Variants in LRMDA observed in about 807,000 individuals in gnomAD.
LRMDA encodes the protein leucine-rich melanocyte differentiation-associated protein.
Under a neutral mutation model 29.8 loss-of-function variants are expected in LRMDA, and 18 were observed. That is an observed-to-expected ratio of 0.60 (90% CI 0.42 to 0.90). LRMDA has a LOEUF of 0.90. Among genes scored for constraint, LRMDA ranks in the 40% least tolerant of loss-of-function variants. LRMDA has a pLI of 0.00. For synonymous variants in LRMDA, 125 were observed against 109.4 expected, an observed-to-expected ratio of 1.14 and a Z score of -0.89; for missense variants, 273 against 273.9, an observed-to-expected ratio of 1.00 and a Z score of 0.02.
At chr10:75,672,518 TTCTTTTCCTCC>T (rs1273618991) in intron 2 of LRMDA, among the ~76,000 whole-genome samples, 418 of 37,610 alleles carry the variant, frequency 0.011, 72 homozygotes, top group East Asian at 0.054. Context: ...TATTTTTCTT[TTCTTTTCCTCC>T]CCTCCCCTCC....
chr10:75,692,611 G>A (rs541316708), intron 2 of LRMDA, among the ~76,000 whole-genome samples: 2 of 148,072 alleles, frequency 1.4e-5, no homozygotes, highest in East Asian at 4.1e-4. Flanking sequence ...GTGTGTATGT[G>A]TATGTAGGCA....
chr10:75,849,028 C>T (rs1251778995), intron 2 of LRMDA, among the ~76,000 whole-genome samples: 1 of 152,132 alleles, frequency 6.6e-6, no homozygotes, highest in Non-Finnish European at 1.5e-5. Context: ...GTATCTGTCC[C>T]TGTCTTCTCT....
At chr10:75,877,051 A>G (rs1421925552) in intron 2 of LRMDA, among the ~76,000 whole-genome samples, 5 of 152,194 alleles carry the variant, frequency 3.3e-5, no homozygotes, top group Non-Finnish European at 1.5e-5. Flanking sequence ...TGTTGTCTGT[A>G]TATGGCTCAG....
intron 5 of LRMDA, among the ~76,000 whole-genome samples, chr10:76,211,804 G>A (rs779543945): frequency 6.6e-6 from 1 of 152,222 alleles, no homozygotes; most frequent in Non-Finnish European, 1.5e-5. Context: ...CTCTGTGACT[G>A]TACCTTTTGC....
rs1251042216 is a variant in LRMDA, at chr10:75,515,882, G to GTGA, written c.131+77390_131+77391insATG. The stretch of plus-strand genomic sequence containing the variant: ...CCCACCTCCTGACAGGCCCTAGTGT[G>GTGA]TGTGATGTTCCTCGCCCTGTGTCCA... On this transcript the variant is annotated intron_variant, in intron 2 of 6. Coordinates refer to ENST00000611255, the MANE Select transcript of LRMDA (RefSeq NM_001305581.2). Among the ~76,000 whole-genome samples, 6 of 152,094 alleles carry GTGA rather than the reference G, an allele frequency of 3.9e-5. No homozygotes were observed. In the East Asian group the frequency reaches 9.7e-4, roughly 25 times the overall value.
At chr10:75,873,711 GTGT>G (rs1434719517) in intron 2 of LRMDA, among the ~76,000 whole-genome samples, 6 of 152,086 alleles carry the variant, frequency 3.9e-5, no homozygotes, top group Admixed American at 2.0e-4. Context: ...ATTATTTAGT[GTGT>G]TGATCATACT....
At chr10:75,906,796 G>A (rs1845766303) in intron 2 of LRMDA, among the ~76,000 whole-genome samples, 1 of 152,232 alleles carries the variant, frequency 6.6e-6, no homozygotes, top group Non-Finnish European at 1.5e-5. Flanking sequence ...TTCTAATGTG[G>A]TGCCTCTTTG....
chr10:75,458,761 A>C (rs1218661601), intron 2 of LRMDA, among the ~76,000 whole-genome samples: 2 of 152,182 alleles, frequency 1.3e-5, no homozygotes, highest in African/African-American at 2.4e-5. Context: ...GCTTTCCGTC[A>C]GGTAGCAGGA....
At chr10:76,172,875 T>A (rs1850863308) in intron 5 of LRMDA, among the ~76,000 whole-genome samples, 1 of 152,184 alleles carries the variant, frequency 6.6e-6, no homozygotes, top group South Asian at 2.1e-4. Context: ...TAAATGAATA[T>A]CAGATTTATA....
chr10:76,057,703 A>G (rs1848639301), intron 4 of LRMDA, among the ~76,000 whole-genome samples: 1 of 152,166 alleles, frequency 6.6e-6, no homozygotes, highest in Non-Finnish European at 1.5e-5. Flanking sequence ...TCCCTTGGAG[A>G]TAATCCATTG....
intron 2 of LRMDA, among the ~76,000 whole-genome samples, chr10:75,967,956 C>T (rs1846896262): frequency 6.6e-6 from 1 of 152,178 alleles, no homozygotes; most frequent in Non-Finnish European, 1.5e-5. Flanking sequence ...CCACTCCCTA[C>T]TACTGCCTCC....
chr10:76,400,276 C>A (rs577971437), intron 6 of LRMDA, among the ~76,000 whole-genome samples: 40 of 152,266 alleles, frequency 2.6e-4, no homozygotes, highest in Middle Eastern at 3.4e-3. Context: ...GGAAGCTTCC[C>A]CAGTTAAGCC....
intron 2 of LRMDA, among the ~76,000 whole-genome samples, chr10:75,746,620 A>G (rs1842894086): frequency 6.6e-6 from 1 of 152,204 alleles, no homozygotes; most frequent in Admixed American, 6.5e-5. Flanking sequence ...TAATGGCCCC[A>G]AAGAATTACC....
intron 5 of LRMDA, among the ~76,000 whole-genome samples, chr10:76,188,048 T>C (rs1851180262): frequency 6.6e-6 from 1 of 152,030 alleles, no homozygotes; most frequent in Non-Finnish European, 1.5e-5. Context: ...AACTCCCAGG[T>C]GTTATTGCAA....
At chr10:75,870,243 C>T (rs1845085978) in intron 2 of LRMDA, among the ~76,000 whole-genome samples, 1 of 152,168 alleles carries the variant, frequency 6.6e-6, no homozygotes, top group African/African-American at 2.4e-5. Context: ...CACAGCTGGG[C>T]CCATTCATTT....
At chr10:76,338,553 A>G (rs1439033513) in intron 6 of LRMDA, among the ~76,000 whole-genome samples, 2 of 152,106 alleles carry the variant, frequency 1.3e-5, no homozygotes, top group African/African-American at 4.8e-5. Flanking sequence ...TAGTTTAGGC[A>G]TCAAGTAACA....
chr10:76,176,566 G>T (rs1374067132), intron 5 of LRMDA, among the ~76,000 whole-genome samples: 1 of 152,186 alleles, frequency 6.6e-6, no homozygotes. Context: ...GATTGAGGCG[G>T]GCGGATCACC....
chr10:75,656,478 G>C (rs924121910), intron 2 of LRMDA, among the ~76,000 whole-genome samples: 1 of 152,180 alleles, frequency 6.6e-6, no homozygotes, highest in Admixed American at 6.5e-5. Flanking sequence ...CAGTGACAAA[G>C]AGTAGCAGTC....
At chr10:76,076,266 C>T (rs1406601126) in intron 5 of LRMDA, among the ~76,000 whole-genome samples, 1 of 149,116 alleles carries the variant, frequency 6.7e-6, no homozygotes, top group African/African-American at 2.5e-5. Context: ...TGGCGTGAAC[C>T]CAGGAGGCGG....
Sources: allele counts gnomAD v4.1 joint callset (sites outside exome capture counted in the v4.1 genomes callset), GRCh38; gene constraint gnomAD v4.1.1; transcripts MANE v1.5; gene names NCBI Gene and HGNC (gene_info 2026-07-23, HGNC 2026-07-21).